Variants in ITGA2B observed in about 807,000 individuals in gnomAD.
ITGA2B encodes the protein integrin subunit alpha 2b.
ITGA2B carries 91 observed loss-of-function variants against 142.0 expected under a neutral mutation model. That is an observed-to-expected ratio of 0.64 (90% CI 0.54 to 0.76). The LOEUF (loss-of-function observed/expected upper bound fraction) is 0.76, where lower values mean the gene tolerates loss of function less well. Among genes scored for constraint, ITGA2B ranks in the 30% least tolerant of loss-of-function variants. The probability of loss-of-function intolerance (pLI) is 0.00; values close to 1 mark genes in which losing one functional copy is unlikely to be tolerated. For missense variants in ITGA2B, 1,231 were observed against 1,350.8 expected, an observed-to-expected ratio of 0.91 and a Z score of 1.39; for synonymous variants, 536 against 567.2, an observed-to-expected ratio of 0.94 and a Z score of 0.78.
chr17:44,385,828 A>G lies in ITGA2B; in HGVS notation c.404T>C (p.Ile135Thr). 6.2e-7 allele frequency: 1 copy of G among 1,604,536 alleles called. No homozygotes were observed. The highest frequency in any genetic ancestry group is 8.5e-7 in the Non-Finnish European group (1 of 1,175,254). ...GCCCTGTACCGCGGGGCCCACCACA[A>G]TGACGTCGCTCCAGCTGACGACCGA... ...GASVVSWSDVIVACAPWQHWN... is the reference protein window; with the variant it reads ...GASVVSWSDVTVACAPWQHWN... The change falls in exon 3 of 30, where the codon ATT becomes ACT. Residue 135 changes from isoleucine to threonine, a missense_variant. By Grantham distance (89) the Ile-to-Thr change is moderately conservative (BLOSUM62 -1). Around this residue, in one of 3 missense-constraint regions of ITGA2B, gnomAD observed 318 missense variants for 312.2 expected, o/e 1.02. Coordinates refer to ENST00000262407, the MANE Select transcript of ITGA2B (RefSeq NM_000419.5).
In ITGA2B at chr17:44,386,074, G is replaced by T. The variant is rs915377083; in HGVS notation, c.246C>A (p.Gly82=). ...RTLGPSQEET[G]GVFLCPWRAE... ...CCCTCCAGGGGCACAGGAACACGCC[G>T]CCCGTCTCCTCCTGGCTGGGGCCCA... The change falls in exon 2 of 30, where the codon GGC becomes GGA. Residue 82 remains glycine (G), a synonymous_variant. Transcript: ENST00000262407. The T allele has an allele frequency of 6.2e-7, 1 of 1,611,038 alleles. No individual in the cohort carries two copies. The highest frequency in any genetic ancestry group is 2.2e-5 in the East Asian group (1 of 44,822).
chr17:44,376,341 G>C lies in ITGA2B; in HGVS notation c.2315C>G (p.Pro772Arg), dbSNP rs531356248. The change falls in exon 23 of 30, where the codon CCG (proline) becomes CGG (arginine). Residue 772 changes from proline (P) to arginine (R), a missense_variant. By Grantham distance (103) the Pro-to-Arg change is moderately radical (BLOSUM62 -2). Around this residue, in one of 3 missense-constraint regions of ITGA2B, gnomAD observed 908 missense variants for 1,021.1 expected, o/e 0.89. Transcript: ENST00000262407. ...CTCCACTTGGGCCTCTGCCCGGACC[G>C]GCACGTCCAGCAGCACAATCTTGCT... ...PNSKIVLLDV[P>R]VRAEAQVELR... The C allele has an allele frequency of 1.7e-5, 28 of 1,614,182 alleles. No individual in the cohort carries two copies. The South Asian group carries it at 2.4e-4, about 14-fold the overall frequency.
At chr17:44,387,221 C>G (rs1399499865) in intron 1 of ITGA2B, among the ~76,000 whole-genome samples, 1 of 152,048 alleles carries the variant, frequency 6.6e-6, no homozygotes, top group Non-Finnish European at 1.5e-5. Context: ...CTAGAATGAC[C>G]CTTCAAAATT....
At chr17:44,380,694 CCTCAT>C in intron 13 of ITGA2B, 49 bp from the exon 14 acceptor site, 2 of 1,612,574 alleles carry the variant, frequency 1.2e-6, no homozygotes, top group Non-Finnish European at 1.7e-6. Flanking sequence ...GGCATGGGAT[CCTCAT>C]CTCATCTTCC....
At chr17:44,372,446 G>A in intron 29 of ITGA2B, 23 bp from the exon 30 acceptor site, 1 of 1,611,982 alleles carries the variant, frequency 6.2e-7, no homozygotes, top group African/African-American at 1.3e-5. Flanking sequence ...GGGGGCCAAG[G>A]TCAGGGTATA....
At position 44,374,988 on chromosome 17, in the gene ITGA2B, C is replaced by G. The variant is rs762404002; in HGVS notation, c.2841+10G>C. 3 of 1,529,274 alleles carry G rather than the reference C, an allele frequency of 2.0e-6. No homozygotes were observed. The highest frequency in any genetic ancestry group is 2.6e-6 in the Non-Finnish European group (3 of 1,137,916). 94.7% of individuals were successfully genotyped at this position (1,529,274 alleles called of 1,614,324 possible). A position where few individuals can be genotyped will look rare whatever the true frequency, so the allele number is the denominator to read the frequency against. On this transcript the variant is annotated intron_variant, in intron 27 of 29. Coordinates refer to ENST00000262407, the MANE Select transcript of ITGA2B (RefSeq NM_000419.5). ...AAGGCCCGGCCCCGCCCCACCACGG[C>G]CCACCCCACCTGGTAGAGGCTGGGC... is the stretch of plus-strand genomic sequence containing the variant.
Position 44,378,473 on chromosome 17 carries a change from G to A in ITGA2B, c.1983C>T (p.Val661=). The A allele has an allele frequency of 6.2e-7, 1 of 1,613,814 alleles. No homozygotes were observed. Among genetic ancestry groups the A allele is most frequent in the Non-Finnish European group, 8.5e-7 (1 of 1,179,950 alleles). Residue 661 remains valine, a synonymous_variant, in exon 20 of 30, where the codon GTC becomes GTT. Coordinates refer to ENST00000262407, the MANE Select transcript of ITGA2B (RefSeq NM_000419.5). ...GSPLLVGADN[V]LELQMDAANE... ...TGGCTGCGTCCATCTGCAGCTCCAG[G>A]ACATTATCTGCCCCAACTAGGAGCG...
chr17:44,384,010 C>T, intron 10 of ITGA2B, 64 bp from the exon 11 acceptor site: 1 of 1,613,690 alleles, frequency 6.2e-7, no homozygotes, highest in Admixed American at 1.7e-5. Context: ...GAAATGGGCC[C>T]TCACCTCCCA....
chr17:44,380,218 T>C lies in ITGA2B; in HGVS notation c.1600+28A>G, dbSNP rs367869228. 2.4e-4 allele frequency: 384 copies of C among 1,614,020 alleles called. No homozygotes were observed. In the African/African-American group the frequency reaches 4.6e-3, roughly 19 times the overall value. On this transcript the variant is annotated intron_variant, in intron 16 of 29. Transcript: ENST00000262407. ...GCCTCCGGGGGAGTCCAAGCCCACC[T>C]CCCTCCTGCCCCCTTCATGCCACTC...
At position 44,372,424 on chromosome 17, in the gene ITGA2B, C is replaced by T; in HGVS notation, c.3061-1G>A. ...GCCGGTTCCGCTTGAAGAAGCCGACCTGGGGGTACACGGGGGCCAAGGTCA... is the reference window on the plus strand; with the variant it reads ...GCCGGTTCCGCTTGAAGAAGCCGACTTGGGGGTACACGGGGGCCAAGGTCA... On this transcript the variant is annotated splice_acceptor_variant, in intron 29 of 29. Coordinates refer to ENST00000262407, the MANE Select transcript of ITGA2B (RefSeq NM_000419.5). LOFTEE classifies it high-confidence loss of function. The T allele has an allele frequency of 6.2e-7, 1 of 1,614,010 alleles. No individual in the cohort carries two copies. Among genetic ancestry groups the T allele is most frequent in the Non-Finnish European group, 8.5e-7 (1 of 1,179,970 alleles).
chr17:44,376,129 T>G lies in ITGA2B; in HGVS notation c.2404A>C (p.Asn802His). ...VAAEEGEREQ[N>H]SLDSWGPKVE... is the part of the protein sequence containing the mutation. ...TTGGGTCCCCAGCTGTCCAAGCTGT[T>G]CTGCTCCCTCTCACCTTCTTCTGCT... Residue 802 changes from asparagine (N) to histidine (H), a missense_variant, in exon 24 of 30, where the codon AAC (asparagine) becomes CAC (histidine). Asn to His is a moderately conservative substitution (Grantham distance 68, BLOSUM62 1). Transcript: ENST00000262407. The G allele has an allele frequency of 6.2e-7, 1 of 1,614,166 alleles. No homozygotes were observed. Among genetic ancestry groups the G allele is most frequent in the Non-Finnish European group, 8.5e-7 (1 of 1,180,034 alleles).
rs752599663 is a variant in ITGA2B at position 44,389,522 on chromosome 17, C to T, written c.-49G>A. The T allele has an allele frequency of 6.3e-7, 1 of 1,592,042 alleles. No homozygotes were observed. The highest frequency in any genetic ancestry group is 1.7e-5 in the Admixed American group (1 of 59,172). On this transcript the variant is annotated 5_prime_UTR_variant, in exon 1 of 30. Coordinates refer to ENST00000262407, the MANE Select transcript of ITGA2B (RefSeq NM_000419.5). ...GGCAGGAATGGGCCAGCTCCTCCTC[C>T]TTCCCTTCAGATTCCTCCACAGGAA...
In ITGA2B at chr17:44,374,448, G is replaced by A; in HGVS notation, c.2966C>T (p.Ala989Val). Reference protein sequence around the residue: ...EAQVWTQLLRALEERAIPIWW... With the variant: ...EAQVWTQLLRVLEERAIPIWW... The stretch of plus-strand genomic sequence containing the variant: ...GATTGGAATGGCCCTCTCCTCCAAG[G>A]CCCGGAGCAGCTGTGTCCACACCTG... Residue 989 changes from alanine to valine, a missense_variant, in exon 29 of 30, where the codon GCC (alanine) becomes GTC (valine). Transcript: ENST00000262407. 1.9e-6 allele frequency: 3 copies of A among 1,614,036 alleles called. No homozygotes were observed. Among genetic ancestry groups the A allele is most frequent in the Non-Finnish European group, 2.5e-6 (3 of 1,180,004 alleles).
At position 44,383,660 on chromosome 17, in the gene ITGA2B, C is replaced by A. The variant is rs1060499614; in HGVS notation, c.1043G>T (p.Arg348Leu). The A allele has an allele frequency of 1.9e-6, 3 of 1,594,518 alleles. No homozygotes were observed. Among genetic ancestry groups the A allele is most frequent in the Non-Finnish European group, 2.6e-6 (3 of 1,170,554 alleles). Residue 348 changes from arginine to leucine, a missense_variant, in exon 12 of 30, where the codon CGG (arginine) becomes CTG (leucine). Around this residue, in one of 3 missense-constraint regions of ITGA2B, gnomAD observed 908 missense variants for 1,021.1 expected, o/e 0.89. Transcript: ENST00000262407. ...CACTTCGGCCAGTTTTCGGTCTGCC[C>A]GGCTCTCCATATACAGTGGAGCGCC... is the stretch of plus-strand genomic sequence containing the variant. The part of the protein sequence containing the change: ...LVGAPLYMES[R>L]ADRKLAEVGR...
At position 44,377,774 on chromosome 17, in the gene ITGA2B, A is replaced by G. The variant is rs1161027171; in HGVS notation, c.2111T>C (p.Ile704Thr). The G allele has an allele frequency of 6.2e-7, 1 of 1,612,398 alleles. No individual in the cohort carries two copies. The highest frequency in any genetic ancestry group is 2.2e-5 in the East Asian group (1 of 44,786). The stretch of plus-strand genomic sequence containing the variant: ...CTCATTCTCCTTCTTCTGATTACAG[A>G]TGAGTCTCTCAAAGCCCTTCAGGAA... ...LSNVEGFERL[I>T]CNQKKENETR... Residue 704 changes from isoleucine (I) to threonine (T), a missense_variant, in exon 21 of 30, where the codon ATC (isoleucine) becomes ACC (threonine). Ile to Thr is a moderately conservative substitution (Grantham distance 89). This residue lies in a region of ITGA2B where 908 missense variants were observed against 1,021.1 expected (regional missense o/e 0.89). Coordinates refer to ENST00000262407, the MANE Select transcript of ITGA2B (RefSeq NM_000419.5).
At chr17:44,381,998 G>A (rs2048601645) in intron 12 of ITGA2B, among the ~76,000 whole-genome samples, 1 of 152,074 alleles carries the variant, frequency 6.6e-6, no homozygotes, top group Admixed American at 6.6e-5. Context: ...TTCAGCAGGT[G>A]ACGTAATCTC....
intron 4 of ITGA2B, 105 bp downstream of exon 4, chr17:44,385,446 C>G (rs2048637818): frequency 2.0e-6 from 3 of 1,519,416 alleles, no homozygotes; most frequent in Non-Finnish European, 2.6e-6. Flanking sequence ...GGCCCTGGGG[C>G]GAGGCCAGAT....
intron 23 of ITGA2B, 40 bp downstream of exon 23, chr17:44,376,267 GC>G: frequency 6.2e-7 from 1 of 1,613,634 alleles, no homozygotes; most frequent in Non-Finnish European, 8.5e-7. Flanking sequence ...GGAGTTTAGA[GC>G]CCTGAATGCC....
Position 44,378,524 on chromosome 17 carries a change from G to A in ITGA2B, c.1947-15C>T, listed in dbSNP as rs1312372639. On this transcript the variant is annotated splice_polypyrimidine_tract_variant and intron_variant, in intron 19 of 29. Transcript: ENST00000262407. ...GGGAGCCCGTCCTGTGGGGAAAGAG[G>A]AGTGAAGCCAGGGAGCCTGGGTCTG... The A allele has an allele frequency of 6.2e-7, 1 of 1,613,260 alleles. No individual in the cohort carries two copies. The highest frequency in any genetic ancestry group is 8.5e-7 in the Non-Finnish European group (1 of 1,179,818).
Sources: gnomAD v4.1 joint callset for allele counts (sites outside exome capture counted in the v4.1 genomes callset) on GRCh38, gnomAD v4.1.1 for gene constraint, gnomAD v4.1.1 regional missense constraint, MANE v1.5 for transcripts, NCBI Gene and HGNC (gene_info 2026-07-23, HGNC 2026-07-21) for gene names.